IKZF4: variants seen among roughly 807,000 people sequenced by gnomAD.
The protein encoded by IKZF4 is zinc finger protein Eos.
A neutral mutation model predicts 47.7 loss-of-function variants in IKZF4; 11 were observed. The ratio of observed to expected loss-of-function variants is 0.23; its 90% CI spans 0.15 to 0.38. The LOEUF is 0.38. IKZF4 is among the 10% of genes least tolerant of loss of function. The pLI is 1.00. For synonymous variants in IKZF4, 298 were observed against 299.4 expected (o/e 1.00, Z 0.05); for missense variants, 557 against 784.9 (o/e 0.71, Z 3.47).
At position 56,037,287 on chromosome 12, in the gene IKZF4, C is replaced by T. The variant is rs939074768; in HGVS notation, c.*1956C>T. ...TTGTGGGGCAATTGTTCCTCCTTGACAATGTAGCAATAAATAGATGCTGCC... is the reference window on the plus strand; with the variant it reads ...TTGTGGGGCAATTGTTCCTCCTTGATAATGTAGCAATAAATAGATGCTGCC... On this transcript the variant is annotated 3_prime_UTR_variant, in exon 8 of 8. Transcript: ENST00000547167. 1 of 152,586 alleles carries T rather than the reference C, an allele frequency of 6.6e-6. No homozygotes were observed. Among genetic ancestry groups the T allele is most frequent in the Non-Finnish European group, 1.5e-5 (1 of 68,034 alleles). The allele number at this position is 152,586 out of a possible 1,614,324, so 9.5% of individuals were successfully genotyped here.
intron 1 of IKZF4, 51 bp downstream of exon 1, chr12:56,021,631 G>A: frequency 6.4e-7 from 1 of 1,561,720 alleles, no homozygotes; most frequent in South Asian, 1.2e-5. Flanking sequence ...GGGTGCTGGG[G>A]CTAGGGAGCC....
chr12:56,018,724 T>C (rs1045506446), upstream of IKZF4, among the ~76,000 whole-genome samples: 4 of 151,218 alleles, frequency 2.6e-5, no homozygotes, highest in African/African-American at 9.7e-5. Context: ...GTATCTAGTG[T>C]GGCCAAAACT....
intron 5 of IKZF4, chr12:56,029,652 C>T (rs941742885): frequency 2.6e-5 from 4 of 152,202 alleles, no homozygotes; most frequent in Non-Finnish European, 5.9e-5. Context: ...GAAAGATCAT[C>T]GTTGATACAT....
intron 3 of IKZF4, 148 bp downstream of exon 3, chr12:56,025,306 C>G (rs561324221): frequency 3.3e-4 from 306 of 918,598 alleles, no homozygotes; most frequent in Admixed American, 9.4e-4. Flanking sequence ...AGCCCAGTGT[C>G]TAGGGTTTTT....
intron 6 of IKZF4, 132 bp from the exon 7 acceptor site, chr12:56,033,058 G>A (rs976147308): frequency 1.9e-6 from 2 of 1,053,818 alleles, no homozygotes; most frequent in Non-Finnish European, 2.7e-6. Flanking sequence ...AGGGTAAACA[G>A]AGCCCAGTTT....
At chr12:56,013,949 G>A (rs1373391641) in intron 2 of IKZF4, among the ~76,000 whole-genome samples, 3 of 152,138 alleles carry the variant, frequency 2.0e-5, no homozygotes, top group Non-Finnish European at 2.9e-5. Flanking sequence ...TCAGGAGTTC[G>A]AGAACAGCCT....
At chr12:56,028,311 G>A (rs765748649) in intron 5 of IKZF4, among the ~76,000 whole-genome samples, 26 of 151,710 alleles carry the variant, frequency 1.7e-4, no homozygotes, top group Admixed American at 3.9e-4. Context: ...GGATCACGAG[G>A]TCAGGAGATC....
intron 6 of IKZF4, 60 bp downstream of exon 6, chr12:56,032,770 C>G: frequency 6.4e-7 from 1 of 1,564,212 alleles, no homozygotes; most frequent in Admixed American, 1.7e-5. Flanking sequence ...GAGTGCTAGA[C>G]AAGGGTGACT....
chr12:56,018,144 A>G (rs1460777752), upstream of IKZF4: 1 of 1,289,344 alleles, frequency 7.8e-7, no homozygotes, highest in Non-Finnish European at 1.0e-6. Flanking sequence ...TAAAATGGAC[A>G]TAGAAGACTG....
chr12:56,025,356 G>C (rs986681300), intron 3 of IKZF4, among the ~76,000 whole-genome samples, 198 bp downstream of exon 3: 1 of 152,182 alleles, frequency 6.6e-6, no homozygotes, highest in African/African-American at 2.4e-5. Flanking sequence ...GTCACTGGCA[G>C]ACTAGGGTGG....
chr12:56,032,831 C>A, intron 6 of IKZF4, 121 bp downstream of exon 6: 1 of 1,186,416 alleles, frequency 8.4e-7, no homozygotes. Context: ...GGGATGATTA[C>A]CCCAGTAAAT....
intron 1 of IKZF4, 109 bp downstream of exon 1, chr12:56,021,689 T>C (rs1893015556): frequency 2.2e-5 from 5 of 231,564 alleles, no homozygotes; most frequent in Non-Finnish European, 3.0e-5. Context: ...GGATGGGGGC[T>C]GTGTGTGTGT....
rs67296911 is a variant in IKZF4, at chr12:56,021,688, CTGTGTGTGTGTGTG to C, written c.87+138_87+151del. On this transcript the variant is annotated intron_variant, in intron 1 of 7. Transcript: ENST00000547167. Reference sequence around the variant, plus strand: ...CCTGAGGAGATGGAGAGGATGGGGGCTGTGTGTGTGTGTGTGTGTGTGTGTGTGTGTGTGTGTGT... The same window carrying C: ...CCTGAGGAGATGGAGAGGATGGGGGCTGTGTGTGTGTGTGTGTGTGTGTGT... 897 of 658,714 alleles carry C rather than the reference CTGTGTGTGTGTGTG, an allele frequency of 1.4e-3. 2 individuals are homozygous for C. The East Asian group carries it at 0.02, about 15-fold the overall frequency. The allele number at this position is 658,714 out of a possible 1,614,324, so 40.8% of individuals were successfully genotyped here.
At chr12:56,010,551 C>T (rs549914333) in intron 1 of IKZF4, 3 of 152,218 alleles carry the variant, frequency 2.0e-5, no homozygotes, top group African/African-American at 7.2e-5. Flanking sequence ...GTTTCCAGTT[C>T]AAGGATTTAG....
At chr12:56,016,545 C>T (rs1412817543), upstream of IKZF4, among the ~76,000 whole-genome samples, 1 of 151,500 alleles carries the variant, frequency 6.6e-6, no homozygotes, top group African/African-American at 2.4e-5. Flanking sequence ...CCTCAGCCTC[C>T]CAAGTACCTG....
Position 56,026,809 on chromosome 12 carries a change from C to G in IKZF4, c.315C>G (p.Ser105Arg). The change falls in exon 4 of 8, where the codon AGC becomes AGG. Residue 105 changes from serine (S) to arginine (R), a missense_variant. Coordinates refer to ENST00000547167, the MANE Select transcript of IKZF4 (RefSeq NM_022465.4). ...ACTCCATCAAGGTGGAGATGTACAGCGATGAGGAGTCAAGCAGACTGCTGG... is the reference window on the plus strand; with the variant it reads ...ACTCCATCAAGGTGGAGATGTACAGGGATGAGGAGTCAAGCAGACTGCTGG... ...SANSIKVEMY[S>R]DEESSRLLGP... 1.2e-6 allele frequency: 2 copies of G among 1,600,946 alleles called. No individual in the cohort carries two copies. The highest frequency in any genetic ancestry group is 1.7e-6 in the Non-Finnish European group (2 of 1,173,266).
intron 2 of IKZF4, among the ~76,000 whole-genome samples, chr12:56,012,789 T>C (rs537791158): frequency 1.3e-5 from 2 of 152,236 alleles, no homozygotes; most frequent in South Asian, 4.1e-4. Flanking sequence ...GCCAGGGCCA[T>C]GGAGGACTCT....
At chr12:56,028,974 C>T (rs1342824371) in intron 5 of IKZF4, among the ~76,000 whole-genome samples, 2 of 152,132 alleles carry the variant, frequency 1.3e-5, no homozygotes, top group African/African-American at 2.4e-5. Flanking sequence ...CCTCTCACTC[C>T]CATCTGCCTC....
intron 1 of IKZF4, chr12:56,010,092 G>A (rs1230372320): frequency 6.6e-6 from 1 of 151,850 alleles, no homozygotes; most frequent in Non-Finnish European, 1.5e-5. Context: ...AGAAAGATAG[G>A]TATTTCTAGC....
Sources: gnomAD v4.1 joint callset for allele counts (sites outside exome capture counted in the v4.1 genomes callset) on GRCh38, gnomAD v4.1.1 for gene constraint, MANE v1.5 for transcripts, NCBI Gene and HGNC (gene_info 2026-07-23, HGNC 2026-07-21) for gene names.